The following TFDP2 variants were observed in gnomAD, a reference collection of about 807,000 sequenced individuals.
The protein encoded by TFDP2 is transcription factor Dp-2 (E2F dimerization partner 2).
In TFDP2, 17 loss-of-function variants were observed where a neutral mutation model predicts 59.3. The ratio of observed to expected loss-of-function variants is 0.29; its 90% CI spans 0.20 to 0.43. TFDP2 has a LOEUF of 0.43. Ranked by LOEUF, TFDP2 falls within the 20% of genes least tolerant of loss-of-function variation. The probability of loss-of-function intolerance (pLI) is 1.00; values close to 1 mark genes in which losing one functional copy is unlikely to be tolerated. For synonymous variants in TFDP2, 180 were observed against 194.7 expected (o/e 0.92, Z 0.63); for missense variants, 391 against 528.8 (o/e 0.74, Z 2.56).
Position 141,946,572 on chromosome 3 carries a change from C to T in TFDP2, c.*5941G>A, listed in dbSNP as rs1239558904. ...TTAGCCAGAGGGTCAAAGTGTTGTG[C>T]CCACTCACTTTTTCTTCTTTAGCAT... On this transcript the variant is annotated 3_prime_UTR_variant, in exon 13 of 13. Coordinates refer to ENST00000489671, the MANE Select transcript of TFDP2 (RefSeq NM_001178139.2). The T allele has an allele frequency of 6.6e-6, 1 of 152,174 alleles. No homozygotes were observed. Among genetic ancestry groups the T allele is most frequent in the African/African-American group, 2.4e-5 (1 of 41,426 alleles). The allele number at this position is 152,174 out of a possible 1,614,324, so 9.4% of individuals were successfully genotyped here. A position where few individuals can be genotyped will look rare whatever the true frequency, so the allele number is the denominator to read the frequency against.
At chr3:142,068,522 A>G (rs2060142894) in intron 3 of TFDP2, among the ~76,000 whole-genome samples, 1 of 152,158 alleles carries the variant, frequency 6.6e-6, no homozygotes, top group Non-Finnish European at 1.5e-5. Context: ...CCTTACAAGA[A>G]ACATTATATG....
intron 3 of TFDP2, among the ~76,000 whole-genome samples, chr3:142,078,668 C>A (rs2060542613): frequency 6.6e-6 from 1 of 152,122 alleles, no homozygotes; most frequent in South Asian, 2.1e-4. Context: ...AAAGCCTTCC[C>A]AAGAAGCACA....
chr3:142,028,089 A>T (rs1946222103), intron 3 of TFDP2, among the ~76,000 whole-genome samples: 1 of 152,212 alleles, frequency 6.6e-6, no homozygotes, highest in Non-Finnish European at 1.5e-5. Flanking sequence ...AATATTTTTC[A>T]AGTGTCAGGT....
Position 142,121,021 on chromosome 3 carries a change from A to G in TFDP2, c.-92-19180T>C, listed in dbSNP as rs926930577. On this transcript the variant is annotated intron_variant, in intron 1 of 12. Coordinates refer to ENST00000489671, the MANE Select transcript of TFDP2 (RefSeq NM_001178139.2). The surrounding 1 kb of genome is among the most constrained non-coding windows in gnomAD (Gnocchi z 4.3). Reference sequence around the variant, plus strand: ...CTGCAGATATTGGGAACTCAATGAAAGAGGCAGCTGCAAGCAGGAGACAGC... The same window carrying G: ...CTGCAGATATTGGGAACTCAATGAAGGAGGCAGCTGCAAGCAGGAGACAGC... 7.9e-5 allele frequency among the ~76,000 whole-genome samples: 12 copies of G among 151,964 alleles called. No homozygotes were observed. The highest frequency in any genetic ancestry group is 4.4e-5 in the Non-Finnish European group (3 of 68,008).
rs1194348105 is a variant in TFDP2, at chr3:142,149,309, A to T, written c.-219T>A. The stretch of plus-strand genomic sequence containing the variant: ...GGCGGCCGGGTCCCGGTGGACTCAC[A>T]CCCGGGGAGACGCGGCCTGCCCGGT... On this transcript the variant is annotated 5_prime_UTR_variant, in exon 1 of 13. Transcript: ENST00000489671. 2.5e-6 allele frequency: 1 copy of T among 394,646 alleles called. No homozygotes were observed. The highest frequency in any genetic ancestry group is 4.5e-6 in the Non-Finnish European group (1 of 223,760). The allele number at this position is 394,646 out of a possible 1,614,324, so 24.4% of individuals were successfully genotyped here. A position where few individuals can be genotyped will look rare whatever the true frequency, so the allele number is the denominator to read the frequency against.
chr3:142,135,713 G>A (rs1197729994), intron 1 of TFDP2, among the ~76,000 whole-genome samples: 1 of 151,992 alleles, frequency 6.6e-6, no homozygotes, highest in Non-Finnish European at 1.5e-5. Context: ...CTTCATCCAT[G>A]TCCCTGCAAA....
At chr3:142,086,630 A>T (rs2060818492) in intron 3 of TFDP2, among the ~76,000 whole-genome samples, 1 of 152,110 alleles carries the variant, frequency 6.6e-6, no homozygotes, top group South Asian at 2.1e-4. Context: ...TTCTGTCCCC[A>T]GAGTTGGGGT....
At chr3:142,068,951 T>C (rs1391112608) in intron 3 of TFDP2, among the ~76,000 whole-genome samples, 7 of 152,170 alleles carry the variant, frequency 4.6e-5, no homozygotes, top group Admixed American at 4.6e-4. Context: ...AGTCTTGCTC[T>C]GTCACCCAGG....
intron 6 of TFDP2, among the ~76,000 whole-genome samples, chr3:141,988,146 A>G (rs1375718048): frequency 6.6e-6 from 1 of 151,976 alleles, no homozygotes; most frequent in Admixed American, 6.6e-5. Context: ...GTGTTTTGCC[A>G]TGTTGCTCAG....
intron 2 of TFDP2, among the ~76,000 whole-genome samples, chr3:142,095,854 C>A (rs1001935756): frequency 3.3e-5 from 5 of 152,122 alleles, no homozygotes; most frequent in African/African-American, 1.2e-4. Context: ...GCAAAGACAG[C>A]CTTTAATAAA....
chr3:141,968,960 C>T (rs1201036449), intron 9 of TFDP2, among the ~76,000 whole-genome samples: 3 of 89,594 alleles, frequency 3.3e-5, no homozygotes, highest in African/African-American at 1.6e-4. Context: ...ATATATAACA[C>T]ATATATATCT....
intron 3 of TFDP2, among the ~76,000 whole-genome samples, chr3:142,014,865 A>G (rs1267947241): frequency 6.6e-6 from 1 of 152,194 alleles, no homozygotes; most frequent in Non-Finnish European, 1.5e-5. Context: ...GTTACCAACT[A>G]ATTTGTTGCC....
intron 11 of TFDP2, among the ~76,000 whole-genome samples, chr3:141,954,620 G>A (rs1936343379): frequency 7.7e-6 from 1 of 129,760 alleles, no homozygotes; most frequent in Non-Finnish European, 1.6e-5. Flanking sequence ...CTGAGTGACT[G>A]TCTCAAAAAA....
At chr3:142,043,980 G>A (rs1947176675) in intron 3 of TFDP2, 3 of 719,712 alleles carry the variant, frequency 4.2e-6, no homozygotes, top group Non-Finnish European at 7.7e-6. Flanking sequence ...CACTGTGCCT[G>A]CCTTCCGGCG....
chr3:141,968,258 TTATATA>T (rs1305217451), intron 9 of TFDP2, among the ~76,000 whole-genome samples: 1 of 137,068 alleles, frequency 7.3e-6, no homozygotes, highest in African/African-American at 2.7e-5. Flanking sequence ...ATATTATATA[TTATATA>T]TAATTATATA....
At chr3:141,995,505 A>T (rs72990241) in intron 4 of TFDP2, among the ~76,000 whole-genome samples, 2,101 of 152,348 alleles carry the variant, frequency 0.014, 52 homozygotes, top group African/African-American at 0.047. Context: ...GCAACAGCAA[A>T]TCACACTTCC....
intron 3 of TFDP2, among the ~76,000 whole-genome samples, chr3:142,076,452 C>A (rs765286244): frequency 2.0e-5 from 3 of 151,790 alleles, no homozygotes; most frequent in Non-Finnish European, 4.4e-5. Context: ...CAGCATATGA[C>A]TATTAAAATA....
In TFDP2 at chr3:142,110,377, G is replaced by A. The variant is rs376430773; in HGVS notation, c.-92-8536C>T. Among the ~76,000 whole-genome samples, 183 of 151,786 alleles carry A rather than the reference G, an allele frequency of 1.2e-3. 1 individual carries two copies. The highest frequency in any genetic ancestry group is 3.6e-3 in the African/African-American group (149 of 41,488). ...AAATTAGCCGGGCGTGGCGGCAAGC[G>A]CCTATAATCCCAGCTACTTGGGAGG... On this transcript the variant is annotated intron_variant, in intron 1 of 12. Coordinates refer to ENST00000489671, the MANE Select transcript of TFDP2 (RefSeq NM_001178139.2).
chr3:141,985,537 A>C (rs1209991194), intron 6 of TFDP2, among the ~76,000 whole-genome samples: 1 of 151,682 alleles, frequency 6.6e-6, no homozygotes, highest in Non-Finnish European at 1.5e-5. Flanking sequence ...AAAAAAAAAA[A>C]AAAAAACACC....
Sources: gnomAD v4.1 joint callset for allele counts (sites outside exome capture counted in the v4.1 genomes callset) on GRCh38, gnomAD v4.1.1 for gene constraint, Gnocchi (gnomAD v3.1) non-coding constraint, MANE v1.5 for transcripts, NCBI Gene and HGNC (gene_info 2026-07-23, HGNC 2026-07-21) for gene names.